Variants in NRXN3 observed in about 807,000 individuals in gnomAD.
The protein encoded by NRXN3 is neurexin 3, also known as neurexin III.
NRXN3 carries 32 observed loss-of-function variants against 137.6 expected under a neutral mutation model. The observed-to-expected ratio is 0.23, with a 90% CI of 0.18 to 0.31. The LOEUF (loss-of-function observed/expected upper bound fraction) is 0.31, where lower values mean the gene tolerates loss of function less well. Among genes scored for constraint, NRXN3 ranks in the 10% least tolerant of loss-of-function variants. The pLI is 1.00. For missense variants in NRXN3, 1,574 were observed against 2,062.5 expected (o/e 0.76, Z 4.59); for synonymous variants, 798 against 784.5 (o/e 1.02, Z -0.29).
At chr14:79,240,903 A>G (rs891479194) in intron 15 of NRXN3, among the ~76,000 whole-genome samples, 2 of 152,188 alleles carry the variant, frequency 1.3e-5, no homozygotes, top group Non-Finnish European at 2.9e-5. Context: ...TGCAGAATCT[A>G]GAAGTGATAT....
intron 14 of NRXN3, among the ~76,000 whole-genome samples, chr14:78,983,729 T>C (rs896345588): frequency 6.6e-5 from 10 of 151,548 alleles, no homozygotes; most frequent in Non-Finnish European, 1.0e-4. Context: ...TGGTGGTGTG[T>C]GCCTGTAGTA....
At chr14:79,359,134 G>A (rs2093593998) in intron 15 of NRXN3, among the ~76,000 whole-genome samples, 1 of 152,150 alleles carries the variant, frequency 6.6e-6, no homozygotes, top group African/African-American at 2.4e-5. Flanking sequence ...AATGTCAAAT[G>A]CCTGTTTCCA....
At chr14:79,386,801 A>T (rs2094635400) in intron 15 of NRXN3, among the ~76,000 whole-genome samples, 1 of 152,244 alleles carries the variant, frequency 6.6e-6, no homozygotes, top group African/African-American at 2.4e-5. Flanking sequence ...AATGCCGCTT[A>T]TCTACAACCA....
At chr14:78,314,204 C>T (rs1429371323) in intron 4 of NRXN3, among the ~76,000 whole-genome samples, 1 of 152,070 alleles carries the variant, frequency 6.6e-6, no homozygotes, top group Non-Finnish European at 1.5e-5. Context: ...TGGTTTGTTT[C>T]TCTGTTAGTC....
intron 15 of NRXN3, among the ~76,000 whole-genome samples, chr14:79,367,350 G>A (rs2093935772): frequency 6.6e-6 from 1 of 152,178 alleles, no homozygotes; most frequent in South Asian, 2.1e-4. Flanking sequence ...TGCAGGTTTT[G>A]GATGCATGGC....
chr14:78,520,928 A>T (rs2096275572), intron 4 of NRXN3, among the ~76,000 whole-genome samples: 1 of 152,152 alleles, frequency 6.6e-6, no homozygotes, highest in South Asian at 2.1e-4. Flanking sequence ...CTTTCTTTTT[A>T]AAAAATAGCT....
intron 15 of NRXN3, among the ~76,000 whole-genome samples, chr14:79,054,284 C>A (rs2099650425): frequency 6.6e-6 from 1 of 152,090 alleles, no homozygotes; most frequent in East Asian, 1.9e-4. Flanking sequence ...ACGTTATGCA[C>A]ATGTACCCTA....
At chr14:79,022,915 T>C (rs905443212) in intron 15 of NRXN3, among the ~76,000 whole-genome samples, 2 of 152,136 alleles carry the variant, frequency 1.3e-5, no homozygotes, top group African/African-American at 2.4e-5. Flanking sequence ...AAAGGCCTTT[T>C]GAGCAAGTGT....
chr14:79,707,866 A>C (rs942178182), intron 19 of NRXN3, among the ~76,000 whole-genome samples: 2 of 152,176 alleles, frequency 1.3e-5, no homozygotes, highest in Non-Finnish European at 2.9e-5. Flanking sequence ...AGAAAGGAAA[A>C]ATTGAGAAGG....
intron 20 of NRXN3, among the ~76,000 whole-genome samples, chr14:79,835,322 CAG>C (rs2099337353): frequency 6.6e-6 from 1 of 152,060 alleles, no homozygotes; most frequent in Admixed American, 6.6e-5. Context: ...ATTTGAAAAA[CAG>C]AGAAGTCCCT....
At chr14:79,373,827 TG>T (rs2094182823) in intron 15 of NRXN3, among the ~76,000 whole-genome samples, 1 of 152,202 alleles carries the variant, frequency 6.6e-6, no homozygotes, top group African/African-American at 2.4e-5. Flanking sequence ...AATACATAAA[TG>T]GACTGGTCCC....
At chr14:79,682,565 TAGG>T (rs1168027410) in intron 17 of NRXN3, among the ~76,000 whole-genome samples, 3 of 152,170 alleles carry the variant, frequency 2.0e-5, no homozygotes, top group African/African-American at 7.2e-5. Context: ...GCCAAACAAA[TAGG>T]AGTGTAGACA....
chr14:78,902,386 T>A (rs560591806), intron 10 of NRXN3, among the ~76,000 whole-genome samples: 4 of 152,240 alleles, frequency 2.6e-5, no homozygotes, highest in African/African-American at 7.2e-5. Context: ...TGATTTCAAA[T>A]TATCTGTGAT....
At chr14:79,195,650 A>G (rs187524666) in intron 15 of NRXN3, among the ~76,000 whole-genome samples, 141 of 152,300 alleles carry the variant, frequency 9.3e-4, no homozygotes, top group Middle Eastern at 6.8e-3. Flanking sequence ...CACCCACCAC[A>G]GAGTCTGAAA....
chr14:78,348,566 G>A (rs901530534), intron 4 of NRXN3, among the ~76,000 whole-genome samples: 1 of 152,160 alleles, frequency 6.6e-6, no homozygotes, highest in African/African-American at 2.4e-5. Flanking sequence ...CCCCCATATG[G>A]TTCTTGGGGA....
chr14:79,545,789 A>G lies in NRXN3; in HGVS notation c.3444+78387A>G, dbSNP rs115105463. On this transcript the variant is annotated intron_variant, in intron 16 of 20. Coordinates refer to ENST00000335750, the MANE Select transcript of NRXN3 (RefSeq NM_001330195.2). ...CTGTGTCCTACAGAGACTGTGTAATATTCACTGGTGAAGACATAAGCTTTG... is the reference window on the plus strand; with the variant it reads ...CTGTGTCCTACAGAGACTGTGTAATGTTCACTGGTGAAGACATAAGCTTTG... Among the ~76,000 whole-genome samples, 603 of 152,004 alleles carry G rather than the reference A, an allele frequency of 4.0e-3. 9 individuals carry two copies. The highest frequency in any genetic ancestry group is 0.014 in the African/African-American group (562 of 41,446).
rs566047107 is a variant in NRXN3, at chr14:78,912,105, G to A, written c.2276-45137G>A. 2.0e-5 allele frequency among the ~76,000 whole-genome samples: 3 copies of A among 151,164 alleles called. No individual in the cohort carries two copies. The East Asian group carries it at 5.9e-4, about 30-fold the overall frequency. ...CCCACAACAGTCCCCGGTGTGTGAT[G>A]TTCCCCTTCCTGTGTCCATGTGTTC... On this transcript the variant is annotated intron_variant, in intron 10 of 20. Transcript: ENST00000335750.
chr14:79,278,569 C>G (rs528255261), intron 15 of NRXN3, among the ~76,000 whole-genome samples: 14 of 152,324 alleles, frequency 9.2e-5, no homozygotes, highest in Admixed American at 7.8e-4. Flanking sequence ...TCCGGACAGG[C>G]GCCAGTCACT....
At chr14:79,428,770 A>G (rs1308522627) in intron 15 of NRXN3, among the ~76,000 whole-genome samples, 1 of 152,194 alleles carries the variant, frequency 6.6e-6, no homozygotes, top group Non-Finnish European at 1.5e-5. Context: ...TTTCCCTAGT[A>G]TGAATTCAGT....
Sources: allele counts gnomAD v4.1 joint callset (sites outside exome capture counted in the v4.1 genomes callset), GRCh38; gene constraint gnomAD v4.1.1; transcripts MANE v1.5; gene names NCBI Gene and HGNC (gene_info 2026-07-23, HGNC 2026-07-21).